The following GRM8 variants were observed in gnomAD, a reference collection of about 807,000 sequenced individuals.
GRM8 encodes glutamate metabotropic receptor 8.
In GRM8, 47 loss-of-function variants were observed where a neutral mutation model predicts 87.2. The ratio of observed to expected loss-of-function variants is 0.54; its 90% CI spans 0.43 to 0.69. GRM8 has a LOEUF of 0.69. Among genes scored for constraint, GRM8 ranks in the 30% least tolerant of loss-of-function variants. The pLI, the probability that GRM8 is intolerant of heterozygous loss-of-function variation, is 0.00. For missense variants in GRM8, 1,019 were observed against 1,139.2 expected (o/e 0.89, Z 1.52); for synonymous variants, 396 against 404.5 (o/e 0.98, Z 0.25).
At chr7:127,193,554 G>T (rs1795127875) in intron 2 of GRM8, among the ~76,000 whole-genome samples, 5 of 152,182 alleles carry the variant, frequency 3.3e-5, no homozygotes. Context: ...CTAATTTGCA[G>T]CAAGACTCCC....
At chr7:126,834,071 G>A (rs1324254911) in intron 6 of GRM8, among the ~76,000 whole-genome samples, 5 of 152,146 alleles carry the variant, frequency 3.3e-5, no homozygotes, top group African/African-American at 9.7e-5. Context: ...ACTGTCCTAC[G>A]GATGGTAAAA....
chr7:126,643,312 AAAAAAAAATATATATATATATATATAT>A (rs1802647838), intron 7 of GRM8, among the ~76,000 whole-genome samples: 1 of 27,652 alleles, frequency 3.6e-5, no homozygotes, highest in African/African-American at 1.6e-4. Flanking sequence ...AAAAAAAAAA[AAAAAAAAATATATATATATATATATAT>A]ATATATATAT....
intron 3 of GRM8, among the ~76,000 whole-genome samples, chr7:127,061,936 C>A (rs960325385): frequency 7.9e-5 from 12 of 152,106 alleles, no homozygotes; most frequent in Non-Finnish European, 1.8e-4. Flanking sequence ...TCTCAATTTT[C>A]AAAGCAGCTT....
chr7:126,490,974 CA>C (rs1161598991), intron 9 of GRM8, among the ~76,000 whole-genome samples: 1 of 152,032 alleles, frequency 6.6e-6, no homozygotes, highest in Non-Finnish European at 1.5e-5. Flanking sequence ...CATTCAACTC[CA>C]AACTTATACT....
In GRM8 at chr7:127,243,854, T is replaced by C. The variant is rs1798441878; in HGVS notation, c.-311-339A>G. 2.0e-5 allele frequency among the ~76,000 whole-genome samples: 3 copies of C among 152,032 alleles called. No homozygotes were observed. In the South Asian group the frequency reaches 6.2e-4, roughly 32 times the overall value. ...ACCATTTCTTTTCAAATCTGTTTTT[T>C]TTTTTTGCAGCTATCTGAATTTAGC... On this transcript the variant is annotated intron_variant, in intron 1 of 10. Coordinates refer to ENST00000339582, the MANE Select transcript of GRM8 (RefSeq NM_000845.3).
chr7:126,526,413 A>C (rs866016431), intron 9 of GRM8, among the ~76,000 whole-genome samples: 1 of 152,102 alleles, frequency 6.6e-6, no homozygotes, highest in Non-Finnish European at 1.5e-5. Context: ...TCGATGTGTT[A>C]GCTCTAGCTC....
intron 9 of GRM8, among the ~76,000 whole-genome samples, chr7:126,458,578 A>C (rs1406942011): frequency 2.6e-5 from 4 of 151,348 alleles, no homozygotes; most frequent in Non-Finnish European, 5.9e-5. Flanking sequence ...AAATTTGATT[A>C]TACAATATAT....
At chr7:127,195,018 C>T (rs1795209488) in intron 2 of GRM8, among the ~76,000 whole-genome samples, 1 of 152,068 alleles carries the variant, frequency 6.6e-6, no homozygotes. Flanking sequence ...TTATAGGGAT[C>T]AAATAGTGAT....
chr7:127,232,823 T>G (rs1004171162), intron 2 of GRM8, among the ~76,000 whole-genome samples: 2 of 152,106 alleles, frequency 1.3e-5, no homozygotes, highest in Non-Finnish European at 2.9e-5. Flanking sequence ...AAGGTACTAT[T>G]ATTAACTGGG....
intron 1 of GRM8, chr7:127,251,101 C>G (rs1467287474): frequency 1.3e-5 from 2 of 152,192 alleles, no homozygotes; most frequent in African/African-American, 2.4e-5. Context: ...GCACTCCCTC[C>G]CGGGGTGGGA....
intron 6 of GRM8, among the ~76,000 whole-genome samples, chr7:126,875,190 T>A (rs1799431945): frequency 6.6e-6 from 1 of 151,928 alleles, no homozygotes; most frequent in East Asian, 1.9e-4. Flanking sequence ...AATATACATA[T>A]TCTATATATT....
At chr7:126,866,559 T>G (rs1798607236) in intron 6 of GRM8, among the ~76,000 whole-genome samples, 1 of 150,212 alleles carries the variant, frequency 6.7e-6, no homozygotes. Context: ...TACATTCAAG[T>G]CTTGAATATA....
At chr7:126,572,795 T>C (rs993053586) in intron 8 of GRM8, among the ~76,000 whole-genome samples, 6 of 151,972 alleles carry the variant, frequency 3.9e-5, no homozygotes, top group Non-Finnish European at 8.8e-5. Flanking sequence ...AGAAAGAGGG[T>C]AGTTTCATGG....
chr7:126,780,380 T>C (rs1563181168), intron 6 of GRM8, among the ~76,000 whole-genome samples: 2 of 152,200 alleles, frequency 1.3e-5, no homozygotes, highest in African/African-American at 2.4e-5. Context: ...TGAGTTAGTA[T>C]ATACATTAGG....
intron 7 of GRM8, among the ~76,000 whole-genome samples, chr7:126,763,567 A>G (rs1269054658): frequency 6.6e-6 from 1 of 150,744 alleles, no homozygotes; most frequent in African/African-American, 2.4e-5. Context: ...TTCATTTATC[A>G]CATGTCTATT....
At chr7:126,888,728 T>C (rs992544597) in intron 6 of GRM8, among the ~76,000 whole-genome samples, 2 of 152,132 alleles carry the variant, frequency 1.3e-5, no homozygotes, top group Admixed American at 6.5e-5. Flanking sequence ...GAAAGAGATC[T>C]GGGTAGGAGA....
At chr7:126,573,900 T>C (rs1484604394) in intron 8 of GRM8, among the ~76,000 whole-genome samples, 2 of 152,174 alleles carry the variant, frequency 1.3e-5, no homozygotes, top group Non-Finnish European at 2.9e-5. Context: ...AATTCCAACC[T>C]TTCTTATCAC....
At chr7:127,160,863 C>T (rs1216536577) in intron 2 of GRM8, among the ~76,000 whole-genome samples, 2 of 149,982 alleles carry the variant, frequency 1.3e-5, no homozygotes, top group Admixed American at 6.7e-5. Flanking sequence ...CCTGCACCCA[C>T]CTCGACTGAG....
At chr7:127,155,914 C>A (rs904161912) in intron 2 of GRM8, among the ~76,000 whole-genome samples, 4 of 152,242 alleles carry the variant, frequency 2.6e-5, no homozygotes, top group Non-Finnish European at 4.4e-5. Flanking sequence ...GAAGGCTAAA[C>A]TTGTGGCTCA....
Sources: gnomAD v4.1 joint callset for allele counts (sites outside exome capture counted in the v4.1 genomes callset) on GRCh38, gnomAD v4.1.1 for gene constraint, MANE v1.5 for transcripts, NCBI Gene and HGNC (gene_info 2026-07-23, HGNC 2026-07-21) for gene names.